The following SPDL1 variants were observed in gnomAD, a reference collection of about 807,000 sequenced individuals.
SPDL1 encodes the protein protein Spindly.
A neutral mutation model predicts 79.5 loss-of-function variants in SPDL1; 85 were observed. The ratio of observed to expected loss-of-function variants is 1.07; its 90% CI spans 0.90 to 1.28. The LOEUF is 1.28. Ranked by LOEUF, SPDL1 falls within the 50% of genes most tolerant of loss-of-function variation. The pLI is 0.00. For synonymous variants in SPDL1, 269 were observed against 240.3 expected (o/e 1.12, Z -1.10); for missense variants, 703 against 697.8 (o/e 1.01, Z -0.08).
chr5:169,602,150 A>G (rs1755967114), intron 11 of SPDL1: 2 of 172,150 alleles, frequency 1.2e-5, no homozygotes, highest in African/African-American at 2.4e-5. Context: ...CAAAACTTGA[A>G]AGCCTCTAGT....
rs79722609 is a variant in SPDL1, at chr5:169,601,320, G to A, written c.1365G>A (p.Val455=). 2,485 of 1,613,508 alleles carry A rather than the reference G, an allele frequency of 1.5e-3. 38 individuals are homozygous for A. In the African/African-American group the frequency reaches 0.029, roughly 19 times the overall value. The change falls in exon 11 of 12, where the codon GTG becomes GTA. Residue 455 remains valine, a synonymous_variant. Transcript: ENST00000265295. ...EVPVLKKRRE[V]LPVDITTAKD... Reference sequence around the variant, plus strand: ...CTGTACTGAAAAAGAGGCGTGAGGTGCTCCCTGTGGATATAACCACCGCTA... The same window carrying A: ...CTGTACTGAAAAAGAGGCGTGAGGTACTCCCTGTGGATATAACCACCGCTA...
In SPDL1 at chr5:169,593,670, G is replaced by C. The variant is rs528294212; in HGVS notation, c.531+122G>C. 94 of 912,500 alleles carry C rather than the reference G, an allele frequency of 1.0e-4. 1 individual carries two copies. In the African/African-American group the frequency reaches 1.3e-3, roughly 12 times the overall value. 56.5% of individuals were successfully genotyped at this position (912,500 alleles called of 1,614,324 possible). ...GCTGAAACATTTTTTGACCTAACTT[G>C]CATCTAACTAATTAAAAAATGGGTT... On this transcript the variant is annotated intron_variant, in intron 4 of 11. Coordinates refer to ENST00000265295, the MANE Select transcript of SPDL1 (RefSeq NM_017785.5).
chr5:169,590,630 C>CT (rs928832895), intron 2 of SPDL1: 16 of 424,348 alleles, frequency 3.8e-5, no homozygotes, highest in Non-Finnish European at 5.2e-5. Context: ...TTCAGTATTT[C>CT]TTTTTTTTCA....
intron 1 of SPDL1, among the ~76,000 whole-genome samples, chr5:169,584,591 T>A (rs1031513631): frequency 3.3e-5 from 5 of 151,994 alleles, no homozygotes; most frequent in African/African-American, 1.2e-4. Flanking sequence ...GGAGGCGGGG[T>A]AAGAACTCAG....
Position 169,604,149 on chromosome 5 carries a change from A to T in SPDL1, c.1760A>T (p.His587Leu), listed in dbSNP as rs748231014. 1 of 1,613,050 alleles carries T rather than the reference A, an allele frequency of 6.2e-7. No homozygotes were observed. The change falls in exon 12 of 12, where the codon CAC (histidine) becomes CTC (leucine). Residue 587 changes from histidine (H) to leucine (L), a missense_variant. Coordinates refer to ENST00000265295, the MANE Select transcript of SPDL1 (RefSeq NM_017785.5). ...KLEKETCKKL[H>L]PILYVSSKST... Reference sequence around the variant, plus strand: ...GAAAAAGAAACTTGTAAGAAATTACACCCTATTCTATATGTGTCTTCTAAA... The same window carrying T: ...GAAAAAGAAACTTGTAAGAAATTACTCCCTATTCTATATGTGTCTTCTAAA...
intron 10 of SPDL1, among the ~76,000 whole-genome samples, chr5:169,600,182 A>G (rs1389850843): frequency 6.6e-6 from 1 of 152,218 alleles, no homozygotes; most frequent in Non-Finnish European, 1.5e-5. Flanking sequence ...CACTCTGCAC[A>G]TGCCTCAGTC....
At chr5:169,598,920 CTTA>C in intron 9 of SPDL1, 49 bp from the exon 10 acceptor site, 2 of 1,494,142 alleles carry the variant, frequency 1.3e-6, no homozygotes, top group Non-Finnish European at 8.9e-7. Context: ...TACCACTACA[CTTA>C]TTATATGCTG....
rs968091477 is a variant in SPDL1 at position 169,593,253 on chromosome 5, A to C, written c.337-101A>C. 7.8e-6 allele frequency: 8 copies of C among 1,020,350 alleles called. No individual in the cohort carries two copies. In the African/African-American group the frequency reaches 1.1e-4, roughly 15 times the overall value. 63.2% of individuals were successfully genotyped at this position (1,020,350 alleles called of 1,614,324 possible). On this transcript the variant is annotated intron_variant, in intron 3 of 11. Coordinates refer to ENST00000265295, the MANE Select transcript of SPDL1 (RefSeq NM_017785.5). Reference sequence around the variant, plus strand: ...CCTTGGGCAAATAGGAAACTCCAATAGTATCATCATTCAGTAAGTTTGGTT... The same window carrying C: ...CCTTGGGCAAATAGGAAACTCCAATCGTATCATCATTCAGTAAGTTTGGTT...
intron 1 of SPDL1, 36 bp from the exon 2 acceptor site, chr5:169,588,358 T>G (rs1184575639): frequency 7.0e-7 from 1 of 1,435,928 alleles, no homozygotes; most frequent in Non-Finnish European, 9.5e-7. Context: ...GAGTTTTTTG[T>G]ATAAGCTTAA....
At position 169,588,415 on chromosome 5, in the gene SPDL1, A is replaced by G. The variant is rs1189427243; in HGVS notation, c.-2A>G. On this transcript the variant is annotated 5_prime_UTR_variant, in exon 2 of 12. Coordinates refer to ENST00000265295, the MANE Select transcript of SPDL1 (RefSeq NM_017785.5). The stretch of plus-strand genomic sequence containing the variant: ...ACAGTTGGCTAAAAAAAAGAAAAGA[A>G]CATGGAGGCAGATATAATCACAAAT... The G allele has an allele frequency of 6.2e-7, 1 of 1,600,278 alleles. No individual in the cohort carries two copies. Among genetic ancestry groups the G allele is most frequent in the East Asian group, 2.2e-5 (1 of 44,736 alleles).
chr5:169,594,058 T>C, intron 4 of SPDL1, 87 bp from the exon 5 acceptor site: 2 of 1,107,398 alleles, frequency 1.8e-6, no homozygotes, highest in Non-Finnish European at 2.6e-6. Context: ...TAATTTTGGA[T>C]GTGAACCACA....
At chr5:169,596,479 A>G (rs1168288549) in intron 7 of SPDL1, 82 bp from the exon 8 acceptor site, 1 of 1,234,916 alleles carries the variant, frequency 8.1e-7, no homozygotes, top group Non-Finnish European at 1.2e-6. Flanking sequence ...TATAGTACAA[A>G]TTATGAATTG....
Position 169,601,493 on chromosome 5 carries a change from GTCTC to G in SPDL1, c.1543_1546del (p.Ser515LeufsTer11), listed in dbSNP as rs755093941. On this transcript the variant is annotated frameshift_variant, in exon 11 of 12. Coordinates refer to ENST00000265295, the MANE Select transcript of SPDL1 (RefSeq NM_017785.5). LOFTEE classifies it high-confidence loss of function. ...GTTTCTATATACACACCAGTAGTCAGTCTCTCTCCTCACAAAAATCTGCCCGTGG... is the reference window on the plus strand; with the variant it reads ...GTTTCTATATACACACCAGTAGTCAGTCTCCTCACAAAAATCTGCCCGTGG... 4 of 1,614,124 alleles carry G rather than the reference GTCTC, an allele frequency of 2.5e-6. No individual in the cohort carries two copies. Among genetic ancestry groups the G allele is most frequent in the South Asian group, 1.1e-5 (1 of 91,084 alleles).
At chr5:169,584,438 G>A (rs898843502) in intron 1 of SPDL1, among the ~76,000 whole-genome samples, 2 of 152,210 alleles carry the variant, frequency 1.3e-5, no homozygotes, top group Admixed American at 6.5e-5. Context: ...CCGTGTGTCA[G>A]ATTCTACCCT....
chr5:169,593,663 C>G (rs1335101180), intron 4 of SPDL1, 115 bp downstream of exon 4: 3 of 1,029,990 alleles, frequency 2.9e-6, no homozygotes, highest in Non-Finnish European at 4.2e-6. Context: ...ATTTTTTGAC[C>G]TAACTTGCAT....
chr5:169,593,798 G>A (rs1307303718), intron 4 of SPDL1, among the ~76,000 whole-genome samples: 1 of 152,088 alleles, frequency 6.6e-6, no homozygotes, highest in South Asian at 2.1e-4. Context: ...GAATTTAGAG[G>A]CATATACTCT....
chr5:169,604,376 C>A lies in SPDL1; in HGVS notation c.*169C>A. The A allele has an allele frequency of 2.0e-6, 1 of 507,476 alleles. No individual in the cohort carries two copies. Among genetic ancestry groups the A allele is most frequent in the Non-Finnish European group, 3.2e-6 (1 of 308,132 alleles). 31.4% of individuals were successfully genotyped at this position (507,476 alleles called of 1,614,324 possible). On this transcript the variant is annotated 3_prime_UTR_variant, in exon 12 of 12. Transcript: ENST00000265295. ...GTGTTCAGAATTTGCTTGACTCTAA[C>A]CTGGAGAGCTTCTTAAGTGATGCCC...
intron 3 of SPDL1, among the ~76,000 whole-genome samples, 178 bp downstream of exon 3, chr5:169,591,402 T>G (rs1311239717): frequency 6.6e-6 from 1 of 152,204 alleles, no homozygotes; most frequent in Non-Finnish European, 1.5e-5. Flanking sequence ...CTAAGGGACT[T>G]GTATAAATTA....
rs142861097 is a variant in SPDL1 at position 169,590,320 on chromosome 5, C to T, written c.160-728C>T. On this transcript the variant is annotated intron_variant, in intron 2 of 11. Coordinates refer to ENST00000265295, the MANE Select transcript of SPDL1 (RefSeq NM_017785.5). ...AAGGCAAAGTAAAGATTACAAATAT[C>T]ACTAATAGAAAATAAAACTGTTATA... is the stretch of plus-strand genomic sequence containing the variant. 7.9e-4 allele frequency among the ~76,000 whole-genome samples: 121 copies of T among 152,288 alleles called. 2 individuals carry two copies. In the East Asian group the frequency reaches 0.023, roughly 28 times the overall value.
Sources: gnomAD v4.1 joint callset for allele counts (sites outside exome capture counted in the v4.1 genomes callset) on GRCh38, gnomAD v4.1.1 for gene constraint, MANE v1.5 for transcripts, NCBI Gene and HGNC (gene_info 2026-07-23, HGNC 2026-07-21) for gene names.